Variants in ITPR1 observed in about 807,000 individuals in gnomAD.
The protein encoded by ITPR1 is inositol 1,4,5-trisphosphate receptor type 1.
In ITPR1, 96 loss-of-function variants were observed where a neutral mutation model predicts 318.4. The observed-to-expected ratio is 0.30, with a 90% CI of 0.26 to 0.36. ITPR1 has a LOEUF of 0.36. Ranked by LOEUF, ITPR1 falls within the 10% of genes least tolerant of loss-of-function variation. The pLI is 1.00. For synonymous variants in ITPR1, 1,312 were observed against 1,289.9 expected (o/e 1.02, Z -0.37); for missense variants, 2,440 against 3,460.2 (o/e 0.71, Z 7.40).
At chr3:4,778,574 T>C (rs1402222219) in intron 48 of ITPR1, among the ~76,000 whole-genome samples, 2 of 152,242 alleles carry the variant, frequency 1.3e-5, no homozygotes, top group African/African-American at 4.8e-5. Flanking sequence ...ACTTTTTTTC[T>C]GCTATTTTTA....
chr3:4,513,911 C>T (rs2082007102), intron 2 of ITPR1, among the ~76,000 whole-genome samples: 1 of 152,072 alleles, frequency 6.6e-6, no homozygotes, highest in African/African-American at 2.4e-5. Flanking sequence ...CATGGCAAAA[C>T]CCCATCTCTA....
intron 6 of ITPR1, among the ~76,000 whole-genome samples, chr3:4,641,554 T>G (rs534724337): frequency 1.3e-5 from 2 of 152,278 alleles, no homozygotes; most frequent in East Asian, 3.9e-4. Context: ...TTTTAAATAT[T>G]TTGTAGAGAC....
chr3:4,654,868 A>G (rs1298814558), intron 12 of ITPR1, among the ~76,000 whole-genome samples: 3 of 152,148 alleles, frequency 2.0e-5, no homozygotes. Context: ...AGACACTCTG[A>G]CTGAGGCCTT....
intron 4 of ITPR1, among the ~76,000 whole-genome samples, chr3:4,535,935 A>G (rs1350807076): frequency 6.6e-6 from 1 of 152,138 alleles, no homozygotes; most frequent in East Asian, 1.9e-4. Flanking sequence ...AAAATTTGAC[A>G]TCTCTTTTCA....
intron 2 of ITPR1, among the ~76,000 whole-genome samples, chr3:4,510,631 T>C (rs893075293): frequency 3.3e-5 from 5 of 152,238 alleles, no homozygotes; most frequent in Non-Finnish European, 7.3e-5. Context: ...TACAGTTGTG[T>C]ATAAAACACA....
chr3:4,618,117 G>A (rs2092458356), intron 4 of ITPR1, among the ~76,000 whole-genome samples: 1 of 152,090 alleles, frequency 6.6e-6, no homozygotes, highest in Admixed American at 6.5e-5. Flanking sequence ...ATGATGAAAT[G>A]TTTTGGAACT....
At chr3:4,509,948 T>C (rs894843607) in intron 2 of ITPR1, among the ~76,000 whole-genome samples, 1 of 152,232 alleles carries the variant, frequency 6.6e-6, no homozygotes, top group African/African-American at 2.4e-5. Flanking sequence ...CTTGCCCTCA[T>C]GAGCTTGCAG....
In ITPR1 at chr3:4,725,563, T is replaced by G; in HGVS notation, c.5154T>G (p.Asp1718Glu). 5.6e-6 allele frequency: 9 copies of G among 1,599,318 alleles called. No homozygotes were observed. The highest frequency in any genetic ancestry group is 7.6e-6 in the Non-Finnish European group (9 of 1,179,638). ...CCAATTAGCTTCCTCCAGCTCCGGA[T>G]TCTGAGAACGCCACTGAGGTGTGTT... ...LDNAELPPAP[D>E]SENATEELEP... The change falls in exon 41 of 62, where the codon GAT becomes GAG. Residue 1718 changes from aspartate (D) to glutamate (E), a missense_variant. Asp to Glu is a conservative substitution (Grantham distance 45, BLOSUM62 2). Transcript: ENST00000649015.
intron 46 of ITPR1, among the ~76,000 whole-genome samples, chr3:4,774,852 A>G (rs932551238): frequency 3.3e-5 from 5 of 152,208 alleles, no homozygotes; most frequent in Admixed American, 3.3e-4. Context: ...AGATCAAACC[A>G]TCATCTTTAA....
intron 2 of ITPR1, among the ~76,000 whole-genome samples, chr3:4,500,174 C>T (rs1368971711): frequency 6.6e-6 from 1 of 152,168 alleles, no homozygotes; most frequent in African/African-American, 2.4e-5. Flanking sequence ...CTCCAAGGAG[C>T]CTTTGCTCTT....
At chr3:4,569,198 C>T (rs1298708868) in intron 4 of ITPR1, among the ~76,000 whole-genome samples, 3 of 151,610 alleles carry the variant, frequency 2.0e-5, no homozygotes, top group Non-Finnish European at 2.9e-5. Flanking sequence ...CCAGGGGGAT[C>T]CCATGAAAGT....
At chr3:4,660,601 T>G (rs922101536) in intron 13 of ITPR1, among the ~76,000 whole-genome samples, 1 of 152,196 alleles carries the variant, frequency 6.6e-6, no homozygotes, top group Non-Finnish European at 1.5e-5. Flanking sequence ...ATGATCTCAT[T>G]TATTGTTTCA....
At chr3:4,518,760 C>A (rs76827887) in intron 3 of ITPR1, among the ~76,000 whole-genome samples, 1 of 152,248 alleles carries the variant, frequency 6.6e-6, no homozygotes, top group East Asian at 1.9e-4. Context: ...TCTGAATTGC[C>A]TTTTTAGCTT....
rs1327468522 is a variant in ITPR1 at position 4,644,165 on chromosome 3, C to T, written c.555C>T (p.Asn185=). The change falls in exon 8 of 62, where the codon AAC becomes AAT. Residue 185 remains asparagine, a synonymous_variant. Coordinates refer to ENST00000649015, the MANE Select transcript of ITPR1 (RefSeq NM_001378452.1). The part of the protein sequence containing the change: ...SVVIGDKVVL[N]PVNAGQPLHA... The stretch of plus-strand genomic sequence containing the variant: ...TCATAGGTGACAAGGTGGTTCTGAA[C>T]CCCGTCAATGCTGGTCAGCCCCTAC... 6 of 1,611,980 alleles carry T rather than the reference C, an allele frequency of 3.7e-6. No individual in the cohort carries two copies. Among genetic ancestry groups the T allele is most frequent in the East Asian group, 2.2e-5 (1 of 44,828 alleles).
At chr3:4,634,356 C>T (rs994763444) in intron 5 of ITPR1, among the ~76,000 whole-genome samples, 1 of 152,020 alleles carries the variant, frequency 6.6e-6, no homozygotes, top group Non-Finnish European at 1.5e-5. Context: ...GGACCACAGG[C>T]ACACACCACC....
In ITPR1 at chr3:4,826,842, G is replaced by GT. The variant is rs1278328888; in HGVS notation, c.8028+8601dup. On this transcript the variant is annotated intron_variant, in intron 60 of 61. Transcript: ENST00000649015. The surrounding 1 kb of genome is among the most constrained non-coding windows in gnomAD (Gnocchi z 4.2). ...GTGGAGGGTGTGCCAGGTGCCGTTT[G>GT]TAACAATGAGTTGAGCAGAGCCATG... Among the ~76,000 whole-genome samples, 1 of 152,156 alleles carries GT rather than the reference G, an allele frequency of 6.6e-6. No individual in the cohort carries two copies. The highest frequency in any genetic ancestry group is 1.5e-5 in the Non-Finnish European group (1 of 68,030).
chr3:4,705,962 T>A (rs2094747893), intron 36 of ITPR1, among the ~76,000 whole-genome samples: 1 of 152,186 alleles, frequency 6.6e-6, no homozygotes, highest in Non-Finnish European at 1.5e-5. Flanking sequence ...TAAGAACTGC[T>A]TCCCCCCAGA....
Position 4,676,643 on chromosome 3 carries a change from G to A in ITPR1, c.2809G>A (p.Val937Met), listed in dbSNP as rs751172849. ...SSNVMRSIHG[V>M]GELMTQVVLR... is the part of the protein sequence containing the mutation. ...TAACGTGATGAGATCTATTCATGGCGTGGGAGAGCTGATGACCCAGGTGGT... is the reference window on the plus strand; with the variant it reads ...TAACGTGATGAGATCTATTCATGGCATGGGAGAGCTGATGACCCAGGTGGT... The change falls in exon 24 of 62, where the codon GTG (valine) becomes ATG (methionine). Residue 937 changes from valine (V) to methionine (M), a missense_variant. Val to Met is a conservative substitution (Grantham distance 21). Coordinates refer to ENST00000649015, the MANE Select transcript of ITPR1 (RefSeq NM_001378452.1). 1.2e-5 allele frequency: 20 copies of A among 1,613,588 alleles called. No individual in the cohort carries two copies. Among genetic ancestry groups the A allele is most frequent in the African/African-American group, 2.7e-5 (2 of 74,888 alleles).
chr3:4,632,005 G>A (rs1195531633), intron 5 of ITPR1, among the ~76,000 whole-genome samples: 4 of 152,174 alleles, frequency 2.6e-5, no homozygotes, highest in Non-Finnish European at 5.9e-5. Context: ...CAATTGTATG[G>A]GATAAATGAT....
Sources: gnomAD v4.1 joint callset for allele counts (sites outside exome capture counted in the v4.1 genomes callset) on GRCh38, gnomAD v4.1.1 for gene constraint, Gnocchi (gnomAD v3.1) non-coding constraint, MANE v1.5 for transcripts, NCBI Gene and HGNC (gene_info 2026-07-23, HGNC 2026-07-21) for gene names.